Variants in CTXN3 observed in about 807,000 individuals in gnomAD.
CTXN3 encodes cortexin 3, also known as cortexin-3.
A neutral mutation model predicts 5.0 loss-of-function variants in CTXN3; 4 were observed. The ratio of observed to expected loss-of-function variants is 0.79; its 90% CI spans 0.39 to 1.82. The LOEUF (loss-of-function observed/expected upper bound fraction) is 1.82, where lower values mean the gene tolerates loss of function less well. Among genes scored for constraint, CTXN3 ranks in the 40% most tolerant of loss-of-function variants. The pLI is 0.04. For synonymous variants in CTXN3, 48 were observed against 38.6 expected, an observed-to-expected ratio of 1.24 and a Z score of -0.91; for missense variants, 89 against 99.7, an observed-to-expected ratio of 0.89 and a Z score of 0.46.
intron 1 of CTXN3, chr5:127,653,005 A>C (rs1469462242): frequency 6.6e-6 from 1 of 152,260 alleles, no homozygotes; most frequent in African/African-American, 2.4e-5. Flanking sequence ...GGCTGTGGAC[A>C]CTGGGGTGCA....
At chr5:127,649,972 C>T (rs1749750588) in intron 1 of CTXN3, among the ~76,000 whole-genome samples, 1 of 152,082 alleles carries the variant, frequency 6.6e-6, no homozygotes, top group Non-Finnish European at 1.5e-5. Context: ...TTAAGGGTGC[C>T]TTCTGATACC....
intron 1 of CTXN3, among the ~76,000 whole-genome samples, chr5:127,650,756 C>T (rs907784897): frequency 1.3e-5 from 2 of 152,122 alleles, no homozygotes; most frequent in African/African-American, 2.4e-5. Flanking sequence ...GCTTAGATAA[C>T]GAGGTGGCTT....
intron 1 of CTXN3, among the ~76,000 whole-genome samples, chr5:127,650,883 T>C (rs1749771232): frequency 6.6e-6 from 1 of 152,158 alleles, no homozygotes; most frequent in Non-Finnish European, 1.5e-5. Flanking sequence ...ACTACAGTTA[T>C]ACAAACAGGA....
intron 1 of CTXN3, chr5:127,652,413 CCAGAA>C (rs1486786599): frequency 6.6e-6 from 1 of 151,966 alleles, no homozygotes; most frequent in African/African-American, 2.4e-5. Context: ...GGCAATGATC[CCAGAA>C]CAGCAAATAA....
chr5:127,657,843 T>A lies in CTXN3; in HGVS notation c.*76T>A. The A allele has an allele frequency of 6.6e-7, 1 of 1,519,420 alleles. No homozygotes were observed. The highest frequency in any genetic ancestry group is 9.0e-7 in the Non-Finnish European group (1 of 1,114,022). 94.1% of individuals were successfully genotyped at this position (1,519,420 alleles called of 1,614,324 possible). A position where few individuals can be genotyped will look rare whatever the true frequency, so the allele number is the denominator to read the frequency against. The stretch of plus-strand genomic sequence containing the variant: ...GGTGAGGATTCCCTTTATTTAGTGT[T>A]CTCAACAAATCAAATTTAAACAATA... On this transcript the variant is annotated 3_prime_UTR_variant, in exon 3 of 3. Coordinates refer to ENST00000379445, the MANE Select transcript of CTXN3 (RefSeq NM_001048252.3).
intron 1 of CTXN3, chr5:127,652,507 G>C (rs934657406): frequency 5.9e-5 from 9 of 152,118 alleles, no homozygotes; most frequent in African/African-American, 2.2e-4. Flanking sequence ...CTGCCACCGA[G>C]TACAGGTGAT....
chr5:127,653,028 G>C (rs1048504989), intron 1 of CTXN3: 2 of 152,230 alleles, frequency 1.3e-5, no homozygotes, highest in African/African-American at 4.8e-5. Flanking sequence ...GGTTTTCTGA[G>C]GGGAAGAGTG....
At position 127,657,835 on chromosome 5, in the gene CTXN3, T is replaced by G; in HGVS notation, c.*68T>G. On this transcript the variant is annotated 3_prime_UTR_variant, in exon 3 of 3. Coordinates refer to ENST00000379445, the MANE Select transcript of CTXN3 (RefSeq NM_001048252.3). ...TGTGTCTTGGTGAGGATTCCCTTTA[T>G]TTAGTGTTCTCAACAAATCAAATTT... The G allele has an allele frequency of 6.4e-7, 1 of 1,566,368 alleles. No homozygotes were observed. The highest frequency in any genetic ancestry group is 1.1e-5 in the South Asian group (1 of 87,208).
At chr5:127,654,081 C>T (rs565435774) in intron 2 of CTXN3, among the ~76,000 whole-genome samples, 8 of 152,306 alleles carry the variant, frequency 5.3e-5, no homozygotes, top group Admixed American at 6.5e-5. Context: ...GGGAACGGTC[C>T]TCACAAATTC....
chr5:127,655,580 C>T (rs1264402937), intron 2 of CTXN3, among the ~76,000 whole-genome samples: 2 of 152,240 alleles, frequency 1.3e-5, no homozygotes, highest in East Asian at 3.9e-4. Flanking sequence ...CACAGATGGC[C>T]CTGGTCTGAT....
intron 2 of CTXN3, among the ~76,000 whole-genome samples, chr5:127,656,283 C>T (rs1257551180): frequency 7.9e-5 from 12 of 152,028 alleles, no homozygotes; most frequent in Admixed American, 3.3e-4. Flanking sequence ...AAGCTTTTAA[C>T]GACCTCTGTG....
At position 127,657,839 on chromosome 5, in the gene CTXN3, G is replaced by C. The variant is rs1749952159; in HGVS notation, c.*72G>C. 1 of 1,559,948 alleles carries C rather than the reference G, an allele frequency of 6.4e-7. No homozygotes were observed. The highest frequency in any genetic ancestry group is 8.8e-7 in the Non-Finnish European group (1 of 1,139,720). On this transcript the variant is annotated 3_prime_UTR_variant, in exon 3 of 3. Coordinates refer to ENST00000379445, the MANE Select transcript of CTXN3 (RefSeq NM_001048252.3). ...TCTTGGTGAGGATTCCCTTTATTTA[G>C]TGTTCTCAACAAATCAAATTTAAAC...
At chr5:127,656,177 CATA>C (rs1428449198) in intron 2 of CTXN3, among the ~76,000 whole-genome samples, 1 of 151,936 alleles carries the variant, frequency 6.6e-6, no homozygotes, top group Non-Finnish European at 1.5e-5. Context: ...TAAATAAATT[CATA>C]ATAAATATCA....
chr5:127,654,035 G>A (rs922324183), intron 2 of CTXN3, among the ~76,000 whole-genome samples: 3 of 152,044 alleles, frequency 2.0e-5, no homozygotes, highest in African/African-American at 7.2e-5. Flanking sequence ...TCCTTCAATC[G>A]CCTTTCTACT....
intron 1 of CTXN3, among the ~76,000 whole-genome samples, chr5:127,649,793 A>G (rs540413197): frequency 6.6e-6 from 1 of 152,266 alleles, no homozygotes; most frequent in South Asian, 2.1e-4. Flanking sequence ...TCACAACTCA[A>G]CCACTCATAT....
At chr5:127,656,126 T>G (rs1049963713) in intron 2 of CTXN3, among the ~76,000 whole-genome samples, 5 of 152,196 alleles carry the variant, frequency 3.3e-5, no homozygotes, top group African/African-American at 1.2e-4. Context: ...GTGTCCGTGT[T>G]AATTTCCGTA....
intron 2 of CTXN3, among the ~76,000 whole-genome samples, chr5:127,656,007 C>G (rs1022238361): frequency 3.3e-5 from 5 of 152,096 alleles, no homozygotes; most frequent in African/African-American, 1.2e-4. Flanking sequence ...ATTACTAATG[C>G]TGTACTTGAA....
chr5:127,653,243 A>T (rs1243195244), intron 1 of CTXN3, 74 bp from the exon 2 acceptor site: 1 of 152,162 alleles, frequency 6.6e-6, no homozygotes, highest in Non-Finnish European at 1.5e-5. Flanking sequence ...AGGGAGCTTG[A>T]CTCGAGCAAG....
At chr5:127,650,726 G>A (rs917940487) in intron 1 of CTXN3, among the ~76,000 whole-genome samples, 4 of 152,194 alleles carry the variant, frequency 2.6e-5, no homozygotes, top group African/African-American at 9.7e-5. Flanking sequence ...AATAATATTT[G>A]CTTATGTGGT....
Sources: allele counts gnomAD v4.1 joint callset (sites outside exome capture counted in the v4.1 genomes callset), GRCh38; gene constraint gnomAD v4.1.1; transcripts MANE v1.5; gene names NCBI Gene and HGNC (gene_info 2026-07-23, HGNC 2026-07-21).